The following PDGFRA variants were observed in gnomAD, a reference collection of about 807,000 sequenced individuals.
The protein encoded by PDGFRA is platelet derived growth factor receptor alpha, also known as platelet-derived growth factor receptor alpha.
Under a neutral mutation model 121.5 loss-of-function variants are expected in PDGFRA, and 25 were observed. The ratio of observed to expected loss-of-function variants is 0.21; its 90% confidence interval spans 0.15 to 0.29. The LOEUF (loss-of-function observed/expected upper bound fraction) is 0.29, where lower values mean the gene tolerates loss of function less well. Ranked by LOEUF, PDGFRA falls within the 10% of genes least tolerant of loss-of-function variation. The pLI, the probability that PDGFRA is intolerant of heterozygous loss-of-function variation, is 1.00. For synonymous variants in PDGFRA, 463 were observed against 494.8 expected, an observed-to-expected ratio of 0.94 and a Z score of 0.85; for missense variants, 1,008 against 1,345.1, an observed-to-expected ratio of 0.75 and a Z score of 3.92.
In PDGFRA at chr4:54,297,582, G is replaced by A. The variant is rs747246954; in HGVS notation, c.*2310G>A. The A allele has an allele frequency of 7.7e-5, 18 of 233,578 alleles. No individual in the cohort carries two copies. The highest frequency in any genetic ancestry group is 1.8e-4 in the South Asian group (1 of 5,522). The allele number at this position is 233,578 out of a possible 1,614,324, so 14.5% of individuals were successfully genotyped here. On this transcript the variant is annotated 3_prime_UTR_variant, in exon 23 of 23. Coordinates refer to ENST00000257290, the MANE Select transcript of PDGFRA (RefSeq NM_006206.6). Reference sequence around the variant, plus strand: ...GAGCCTTGCATGACATCATGAGGCCGGATGAAACTTCTCAGTCCAGCAGTT... The same window carrying A: ...GAGCCTTGCATGACATCATGAGGCCAGATGAAACTTCTCAGTCCAGCAGTT...
At chr4:54,273,342 A>G (rs2110290482) in intron 9 of PDGFRA, among the ~76,000 whole-genome samples, 195 bp from the exon 10 acceptor site, 1 of 152,276 alleles carries the variant, frequency 6.6e-6, no homozygotes, top group South Asian at 2.1e-4. Flanking sequence ...TCAGTTGTTC[A>G]TGTGTGAGTT....
chr4:54,250,093 G>A (rs1721965697), intron 1 of PDGFRA, among the ~76,000 whole-genome samples: 2 of 152,120 alleles, frequency 1.3e-5, no homozygotes, highest in Non-Finnish European at 2.9e-5. Flanking sequence ...ATTATTACAA[G>A]ATAATGAAAG....
At chr4:54,240,315 C>T (rs906892506) in intron 1 of PDGFRA, among the ~76,000 whole-genome samples, 7 of 152,164 alleles carry the variant, frequency 4.6e-5, no homozygotes, top group African/African-American at 1.7e-4. Flanking sequence ...ACACCAGGGT[C>T]ATTGTTCTGT....
At position 54,274,918 on chromosome 4, in the gene PDGFRA, G is replaced by A. The variant is rs55830582; in HGVS notation, c.1731G>A (p.Pro577=). Reference sequence around the variant, plus strand: ...GACATGAATATATTTATGTGGACCCGATGCAGCTGCCTTATGACTCAAGAT... The same window carrying A: ...GACATGAATATATTTATGTGGACCCAATGCAGCTGCCTTATGACTCAAGAT... The part of the protein sequence containing the change: ...PDGHEYIYVD[P]MQLPYDSRWE... The change falls in exon 12 of 23, where the codon CCG becomes CCA. Residue 577 remains proline, a synonymous_variant. Transcript: ENST00000257290. 2.2e-3 allele frequency: 3,485 copies of A among 1,614,090 alleles called. 51 individuals are homozygous for A. Among genetic ancestry groups the A allele is most frequent in the South Asian group, 0.02 (1,826 of 91,076 alleles).
chr4:54,285,515 G>T (rs778876708), intron 17 of PDGFRA, 29 bp downstream of exon 17: 7 of 967,872 alleles, frequency 7.2e-6, no homozygotes, highest in Non-Finnish European at 1.2e-5. Flanking sequence ...GACCTTTTTA[G>T]ACCCAGATTT....
At chr4:54,287,762 G>T (rs1577744884) in intron 19 of PDGFRA, among the ~76,000 whole-genome samples, 1 of 152,242 alleles carries the variant, frequency 6.6e-6, no homozygotes, top group South Asian at 2.1e-4. Context: ...CTTACTCCTG[G>T]CCTCTGCCCC....
chr4:54,271,977 C>CTTT, intron 8 of PDGFRA, among the ~76,000 whole-genome samples: 1 of 2,010 alleles, frequency 5.0e-4, no homozygotes, highest in Non-Finnish European at 1.1e-3. Flanking sequence ...TCCCCCCTCC[C>CTTT]CTCCCCCTCC....
At chr4:54,269,423 T>C (rs949283062) in intron 7 of PDGFRA, among the ~76,000 whole-genome samples, 5 of 152,030 alleles carry the variant, frequency 3.3e-5, no homozygotes, top group African/African-American at 1.2e-4. Flanking sequence ...ATGCTTTTCT[T>C]CTCCATTCCA....
At chr4:54,279,006 A>G (rs1017554861) in intron 15 of PDGFRA, 3 of 366,194 alleles carry the variant, frequency 8.2e-6, no homozygotes, top group Middle Eastern at 3.9e-4. Flanking sequence ...AGTACAATGA[A>G]TTCACTTCAT....
At chr4:54,261,902 T>A (rs1165049445) in intron 3 of PDGFRA, among the ~76,000 whole-genome samples, 1 of 63,124 alleles carries the variant, frequency 1.6e-5, no homozygotes, top group African/African-American at 8.0e-5. Flanking sequence ...AAGTTACATA[T>A]ATATATATAT....
rs1724861591 is a variant in PDGFRA, at chr4:54,296,011, A to G, written c.*739A>G. 1.7e-5 allele frequency: 4 copies of G among 232,524 alleles called. No homozygotes were observed. The highest frequency in any genetic ancestry group is 6.1e-5 in the East Asian group (1 of 16,314). The allele number at this position is 232,524 out of a possible 1,614,324, so 14.4% of individuals were successfully genotyped here. On this transcript the variant is annotated 3_prime_UTR_variant, in exon 23 of 23. Coordinates refer to ENST00000257290, the MANE Select transcript of PDGFRA (RefSeq NM_006206.6). The stretch of plus-strand genomic sequence containing the variant: ...TCCAGAGAAAGCACAATTTAAAACA[A>G]TCCTTACTAAGTAGGTGATGAGTTT...
rs1366185026 is a variant in PDGFRA, at chr4:54,289,377, T to C, written c.2880+263T>C. 3.3e-5 allele frequency among the ~76,000 whole-genome samples: 5 copies of C among 152,170 alleles called. No individual in the cohort carries two copies. In the East Asian group the frequency reaches 9.7e-4, roughly 29 times the overall value. ...CTCCAGATGTTTGAGTATCAGAAGT[T>C]AGTGTGCAGTTAGAAGACTCAGGGC... is the stretch of plus-strand genomic sequence containing the variant. On this transcript the variant is annotated intron_variant, in intron 21 of 22. Transcript: ENST00000257290.
intron 7 of PDGFRA, 51 bp downstream of exon 7, chr4:54,267,792 CGG>C (rs1560473475): frequency 6.7e-7 from 1 of 1,481,578 alleles, no homozygotes; most frequent in East Asian, 2.3e-5. Context: ...GCATCAGAGG[CGG>C]ACTGAGGTTT....
At chr4:54,267,826 C>T (rs1723129326) in intron 7 of PDGFRA, 85 bp downstream of exon 7, 3 of 1,060,438 alleles carry the variant, frequency 2.8e-6, no homozygotes, top group Non-Finnish European at 4.4e-6. Flanking sequence ...ACAACCCAGA[C>T]CCAAAGTCAG....
At chr4:54,273,245 A>G (rs1723501718) in intron 9 of PDGFRA, among the ~76,000 whole-genome samples, 1 of 152,156 alleles carries the variant, frequency 6.6e-6, no homozygotes, top group Non-Finnish European at 1.5e-5. Context: ...TGAACTGTTC[A>G]GTTTGCTCAT....
At chr4:54,273,862 A>C in intron 10 of PDGFRA, 132 bp downstream of exon 10, 1 of 754,298 alleles carries the variant, frequency 1.3e-6, no homozygotes, top group Non-Finnish European at 2.3e-6. Flanking sequence ...ATGCTCTTAA[A>C]GTCATGTGGG....
At chr4:54,230,113 G>A (rs1304032257) in intron 1 of PDGFRA, among the ~76,000 whole-genome samples, 1 of 152,066 alleles carries the variant, frequency 6.6e-6, no homozygotes, top group Non-Finnish European at 1.5e-5. Flanking sequence ...AGAGAGTCGG[G>A]GCCAGATTTG....
At chr4:54,255,171 G>A (rs1277221513) in intron 1 of PDGFRA, among the ~76,000 whole-genome samples, 1 of 152,130 alleles carries the variant, frequency 6.6e-6, no homozygotes, top group Non-Finnish European at 1.5e-5. Flanking sequence ...CTTAAAATCA[G>A]CTCTAAGTAA....
chr4:54,265,248 T>C, intron 5 of PDGFRA, 199 bp downstream of exon 5: 12 of 606,722 alleles, frequency 2.0e-5, no homozygotes. Flanking sequence ...TGATAGTTCC[T>C]GGACCAGGCC....
Sources: allele counts gnomAD v4.1 joint callset (sites outside exome capture counted in the v4.1 genomes callset), GRCh38; gene constraint gnomAD v4.1.1; transcripts MANE v1.5; gene names NCBI Gene and HGNC (gene_info 2026-07-23, HGNC 2026-07-21).